The following SLCO5A1 variants were observed in gnomAD, a reference collection of about 807,000 sequenced individuals.
The protein encoded by SLCO5A1 is organic anion transporter polypeptide-related protein 4.
SLCO5A1 carries 39 observed loss-of-function variants against 65.1 expected under a neutral mutation model. The ratio of observed to expected loss-of-function variants is 0.60; its 90% CI spans 0.46 to 0.78. The LOEUF (loss-of-function observed/expected upper bound fraction) is 0.78. Among genes scored for constraint, SLCO5A1 ranks in the 30% least tolerant of loss-of-function variants. SLCO5A1 has a pLI of 0.00. For missense variants in SLCO5A1, 1,029 were observed against 1,069.4 expected (o/e 0.96, Z 0.53); for synonymous variants, 438 against 415.7 (o/e 1.05, Z -0.65).
chr8:69,782,977 A>T (rs1818862872), intron 2 of SLCO5A1, among the ~76,000 whole-genome samples: 1 of 152,148 alleles, frequency 6.6e-6, no homozygotes, highest in South Asian at 2.1e-4. Context: ...AAGTTACTTA[A>T]TCCCACTAGA....
intron 2 of SLCO5A1, among the ~76,000 whole-genome samples, chr8:69,827,917 C>T (rs977757582): frequency 4.6e-5 from 7 of 152,124 alleles, no homozygotes; most frequent in African/African-American, 1.4e-4. Flanking sequence ...CATTCTTCTG[C>T]GCTGTTGGAA....
At chr8:69,729,580 C>G (rs1419777427) in intron 5 of SLCO5A1, among the ~76,000 whole-genome samples, 5 of 150,850 alleles carry the variant, frequency 3.3e-5, no homozygotes, top group African/African-American at 1.2e-4. Context: ...AATTTTTACT[C>G]TGAAAACTAG....
intron 2 of SLCO5A1, among the ~76,000 whole-genome samples, chr8:69,820,821 T>C (rs1044016069): frequency 3.3e-5 from 5 of 152,180 alleles, no homozygotes; most frequent in African/African-American, 1.2e-4. Context: ...CACACATATA[T>C]GTGTATATAT....
intron 2 of SLCO5A1, among the ~76,000 whole-genome samples, chr8:69,825,576 C>T (rs1339376175): frequency 6.6e-6 from 1 of 152,034 alleles, no homozygotes; most frequent in Non-Finnish European, 1.5e-5. Flanking sequence ...TTACAAGGGA[C>T]ATAAAGGACC....
intron 2 of SLCO5A1, among the ~76,000 whole-genome samples, chr8:69,819,105 G>C (rs1030124722): frequency 6.6e-6 from 1 of 152,064 alleles, no homozygotes; most frequent in Non-Finnish European, 1.5e-5. Context: ...ACAAGTCTTA[G>C]GAGGCAATGT....
intron 5 of SLCO5A1, among the ~76,000 whole-genome samples, chr8:69,716,357 T>C (rs1815536422): frequency 6.6e-6 from 1 of 152,190 alleles, no homozygotes; most frequent in African/African-American, 2.4e-5. Flanking sequence ...GAAATGGAAT[T>C]ACTGGATCAT....
In SLCO5A1 at chr8:69,831,850, C is replaced by G. The variant is rs747787944; in HGVS notation, c.824G>C (p.Gly275Ala). The G allele has an allele frequency of 3.1e-6, 5 of 1,613,584 alleles. No individual in the cohort carries two copies. Among genetic ancestry groups the G allele is most frequent in the Admixed American group, 1.7e-5 (1 of 59,836 alleles). ...ALFICAQILI[G>A]MGSTPIYTLG... Reference sequence around the variant, plus strand: ...GGTATAAATAGGTGTGGAGCCCATTCCAATGAGAATCTGCGCGCAAATGAA... The same window carrying G: ...GGTATAAATAGGTGTGGAGCCCATTGCAATGAGAATCTGCGCGCAAATGAA... The change falls in exon 2 of 10, where the codon GGA becomes GCA. Residue 275 changes from glycine to alanine, a missense_variant. Around this residue, in one of 3 missense-constraint regions of SLCO5A1, gnomAD observed 647 missense variants for 647.5 expected, o/e 1.00. Coordinates refer to ENST00000260126, the MANE Select transcript of SLCO5A1 (RefSeq NM_030958.3).
At chr8:69,761,460 T>G (rs931041053) in intron 3 of SLCO5A1, 15 of 323,974 alleles carry the variant, frequency 4.6e-5, no homozygotes, top group Middle Eastern at 8.3e-4. Flanking sequence ...GCTTCCGTCT[T>G]TCCTTTGATT....
intron 2 of SLCO5A1, among the ~76,000 whole-genome samples, chr8:69,764,468 T>C (rs1817959653): frequency 6.6e-6 from 1 of 152,164 alleles, no homozygotes; most frequent in Non-Finnish European, 1.5e-5. Flanking sequence ...GAAAGCACAG[T>C]GTTTATTTTA....
intron 2 of SLCO5A1, among the ~76,000 whole-genome samples, chr8:69,823,467 G>T (rs367761936): frequency 2.2e-4 from 33 of 152,234 alleles, no homozygotes; most frequent in Middle Eastern, 3.4e-3. Context: ...AAAGGCAGGG[G>T]TTGCAATCCT....
chr8:69,796,552 G>T (rs1819508410), intron 2 of SLCO5A1, among the ~76,000 whole-genome samples: 1 of 152,012 alleles, frequency 6.6e-6, no homozygotes, highest in South Asian at 2.1e-4. Context: ...GCAGGCAGAG[G>T]TCTACAGTGA....
At chr8:69,761,948 C>T in intron 2 of SLCO5A1, 73 bp from the exon 3 acceptor site, 1 of 1,551,492 alleles carries the variant, frequency 6.4e-7, no homozygotes, top group South Asian at 1.2e-5. Context: ...TCATTTCACT[C>T]TCATACCACA....
intron 2 of SLCO5A1, among the ~76,000 whole-genome samples, chr8:69,830,385 G>T (rs1422482506): frequency 6.6e-6 from 1 of 152,054 alleles, no homozygotes; most frequent in Non-Finnish European, 1.5e-5. Flanking sequence ...AAGAGATGGG[G>T]TCTCACTATG....
chr8:69,793,864 G>A (rs1042114075), intron 2 of SLCO5A1, among the ~76,000 whole-genome samples: 1 of 152,020 alleles, frequency 6.6e-6, no homozygotes, highest in Admixed American at 6.6e-5. Flanking sequence ...GGAGAGAGAA[G>A]AATGGCTAAG....
intron 4 of SLCO5A1, among the ~76,000 whole-genome samples, chr8:69,752,360 A>AT (rs1157068084): frequency 6.6e-6 from 1 of 152,102 alleles, no homozygotes; most frequent in Non-Finnish European, 1.5e-5. Context: ...TCTATGAATC[A>AT]TTTTTTAAGG....
chr8:69,699,734 A>T (rs1814645143), intron 6 of SLCO5A1, among the ~76,000 whole-genome samples: 1 of 152,250 alleles, frequency 6.6e-6, no homozygotes, highest in African/African-American at 2.4e-5. Context: ...AGTCTAAATA[A>T]TGTTGGAAAA....
chr8:69,813,422 A>G (rs530590176), intron 2 of SLCO5A1, among the ~76,000 whole-genome samples: 14 of 152,342 alleles, frequency 9.2e-5, no homozygotes, highest in African/African-American at 3.4e-4. Flanking sequence ...ATTTTTAAGC[A>G]GGGGTAACCT....
In SLCO5A1 at chr8:69,732,828, G is replaced by A. The variant is rs543756148; in HGVS notation, c.1423+5212C>T. On this transcript the variant is annotated intron_variant, in intron 5 of 9. Transcript: ENST00000260126. Reference sequence around the variant, plus strand: ...CACTTGAACCCAAGAGGCAGAGGTTGCAGTGAGCCGAGTTCACGGCACAGC... The same window carrying A: ...CACTTGAACCCAAGAGGCAGAGGTTACAGTGAGCCGAGTTCACGGCACAGC... Among the ~76,000 whole-genome samples, 14 of 152,206 alleles carry A rather than the reference G, an allele frequency of 9.2e-5. No individual in the cohort carries two copies. The South Asian group carries it at 2.9e-3, about 32-fold the overall frequency.
At chr8:69,694,502 C>A (rs1225399224) in intron 6 of SLCO5A1, among the ~76,000 whole-genome samples, 1 of 152,132 alleles carries the variant, frequency 6.6e-6, no homozygotes, top group African/African-American at 2.4e-5. Flanking sequence ...GAACAAGAAA[C>A]AGTTTTTACT....
Sources: gnomAD v4.1 joint callset for allele counts (sites outside exome capture counted in the v4.1 genomes callset) on GRCh38, gnomAD v4.1.1 for gene constraint, gnomAD v4.1.1 regional missense constraint, MANE v1.5 for transcripts, NCBI Gene and HGNC (gene_info 2026-07-23, HGNC 2026-07-21) for gene names.